The following SMYD3 variants were observed in gnomAD, a reference collection of about 807,000 sequenced individuals.
SMYD3 encodes SET and MYND domain containing 3, also known as histone-lysine N-methyltransferase SMYD3.
In SMYD3, 36 loss-of-function variants were observed where a neutral mutation model predicts 57.7. The ratio of observed to expected loss-of-function variants is 0.62; its 90% CI spans 0.48 to 0.82. The LOEUF (loss-of-function observed/expected upper bound fraction) is 0.82. SMYD3 is among the 40% of genes least tolerant of loss of function. The pLI is 0.00. For missense variants in SMYD3, 515 were observed against 538.8 expected, an observed-to-expected ratio of 0.96 and a Z score of 0.44; for synonymous variants, 211 against 195.0, an observed-to-expected ratio of 1.08 and a Z score of -0.68.
chr1:246,478,540 TGCACACCTGTCCTCTGTCCTGGAGCTG>T (rs2068058436), intron 1 of SMYD3, among the ~76,000 whole-genome samples: 1 of 108,166 alleles, frequency 9.2e-6, no homozygotes, highest in African/African-American at 3.7e-5. Context: ...TGCTCATATA[TGCACACCTGTCCTCTGTCCTGGAGCTG>T]GTACATAAGT....
At chr1:246,056,518 T>TG (rs985577058) in intron 5 of SMYD3, among the ~76,000 whole-genome samples, 41 of 152,006 alleles carry the variant, frequency 2.7e-4, no homozygotes, top group African/African-American at 8.9e-4. Flanking sequence ...AACCACCGTG[T>TG]TTCTAAGCCT....
chr1:246,127,427 T>C (rs2061525544), intron 5 of SMYD3, among the ~76,000 whole-genome samples: 1 of 152,224 alleles, frequency 6.6e-6, no homozygotes, highest in Admixed American at 6.5e-5. Context: ...TTGGATAAAG[T>C]AGACAAAAGA....
At chr1:246,310,661 CTTTTTTTTTTTT>C (rs386370347) in intron 5 of SMYD3, among the ~76,000 whole-genome samples, 4 of 72,206 alleles carry the variant, frequency 5.5e-5, no homozygotes, top group East Asian at 1.1e-3. Flanking sequence ...AAGAGTAAGG[CTTTTTTTTTTTT>C]TTTTTTTTTT....
At chr1:246,407,360 T>C (rs1474343509) in intron 1 of SMYD3, among the ~76,000 whole-genome samples, 1 of 152,218 alleles carries the variant, frequency 6.6e-6, no homozygotes, top group Non-Finnish European at 1.5e-5. Flanking sequence ...TCTGAGACTA[T>C]AAGGTCATGC....
intron 10 of SMYD3, among the ~76,000 whole-genome samples, chr1:245,845,985 G>A (rs1423557032): frequency 6.6e-6 from 1 of 152,194 alleles, no homozygotes; most frequent in Non-Finnish European, 1.5e-5. Flanking sequence ...GGTTGGGTGT[G>A]AGACCCACAA....
intron 1 of SMYD3, among the ~76,000 whole-genome samples, chr1:246,446,955 G>T (rs983834060): frequency 1.3e-5 from 2 of 151,670 alleles, no homozygotes; most frequent in Non-Finnish European, 2.9e-5. Context: ...CTTGAACCCG[G>T]GAGGCGAAGG....
chr1:245,842,470 C>T (rs1033063241), intron 10 of SMYD3, among the ~76,000 whole-genome samples: 3 of 152,074 alleles, frequency 2.0e-5, no homozygotes, highest in Non-Finnish European at 2.9e-5. Context: ...GAACAATTAT[C>T]CTGACAGAAC....
At chr1:245,912,626 A>G (rs1343939002) in intron 8 of SMYD3, among the ~76,000 whole-genome samples, 1 of 151,990 alleles carries the variant, frequency 6.6e-6, no homozygotes, top group African/African-American at 2.4e-5. Flanking sequence ...TTATACTAAC[A>G]AAAAAAACAT....
chr1:246,246,639 G>A (rs1347168891), intron 5 of SMYD3, among the ~76,000 whole-genome samples: 4 of 151,852 alleles, frequency 2.6e-5, no homozygotes, highest in Non-Finnish European at 4.4e-5. Flanking sequence ...CCACCTACTG[G>A]ACACTTTATA....
At chr1:246,007,813 A>G (rs890916114) in intron 5 of SMYD3, among the ~76,000 whole-genome samples, 2 of 142,062 alleles carry the variant, frequency 1.4e-5, no homozygotes, top group Admixed American at 7.2e-5. Flanking sequence ...CCAGACCCTG[A>G]CCAAAAAAAA....
chr1:246,285,186 C>A (rs982023303), intron 5 of SMYD3, among the ~76,000 whole-genome samples: 2 of 152,184 alleles, frequency 1.3e-5, no homozygotes, highest in African/African-American at 4.8e-5. Flanking sequence ...CATAGCTTAG[C>A]TCTCACTTAT....
At chr1:246,475,383 C>G (rs931852638) in intron 1 of SMYD3, among the ~76,000 whole-genome samples, 6 of 151,602 alleles carry the variant, frequency 4.0e-5, no homozygotes, top group Admixed American at 2.6e-4. Context: ...TGGCTCACAC[C>G]TGTAATCACA....
intron 5 of SMYD3, among the ~76,000 whole-genome samples, chr1:246,046,154 T>C (rs1199973219): frequency 1.3e-5 from 2 of 152,180 alleles, no homozygotes; most frequent in Non-Finnish European, 2.9e-5. Flanking sequence ...TAAATCATGC[T>C]GCTATAAAGA....
chr1:245,846,800 C>T (rs1558415729), intron 10 of SMYD3, among the ~76,000 whole-genome samples: 1 of 152,210 alleles, frequency 6.6e-6, no homozygotes, highest in Non-Finnish European at 1.5e-5. Flanking sequence ...CAATAGCTGG[C>T]AGATGCTTTT....
intron 5 of SMYD3, among the ~76,000 whole-genome samples, chr1:245,982,859 C>T (rs1416632656): frequency 6.6e-6 from 1 of 152,144 alleles, no homozygotes; most frequent in Non-Finnish European, 1.5e-5. Flanking sequence ...GGAGATGTGG[C>T]CAAGCATTCT....
chr1:246,018,900 A>T (rs1447530899), intron 5 of SMYD3, among the ~76,000 whole-genome samples: 1 of 152,080 alleles, frequency 6.6e-6, no homozygotes, highest in African/African-American at 2.4e-5. Flanking sequence ...CACCATGCCC[A>T]GCAGATTTCT....
In SMYD3 at chr1:245,863,659, G is replaced by A. The variant is rs542913745; in HGVS notation, c.901+140C>T. 383 of 699,268 alleles carry A rather than the reference G, an allele frequency of 5.5e-4. No homozygotes were observed. The Middle Eastern group carries it at 5.5e-3, about 10-fold the overall frequency. The allele number at this position is 699,268 out of a possible 1,614,324, so 43.3% of individuals were successfully genotyped here. On this transcript the variant is annotated intron_variant, in intron 9 of 11. Transcript: ENST00000490107. ...AACTGCTGGCCAGGGTCGGAGGTGC[G>A]GCCTGTGACCATGGAACAGAATGAA...
intron 11 of SMYD3, among the ~76,000 whole-genome samples, chr1:245,763,199 C>T (rs529300972): frequency 1.1e-4 from 17 of 152,332 alleles, no homozygotes; most frequent in Non-Finnish European, 2.2e-4. Context: ...CACTGACCTC[C>T]TTCGCTTCCT....
intron 5 of SMYD3, among the ~76,000 whole-genome samples, chr1:245,963,176 T>A (rs1170837802): frequency 6.6e-6 from 1 of 152,194 alleles, no homozygotes; most frequent in African/African-American, 2.4e-5. Context: ...TTTGAGATGC[T>A]AGATATATTA....
Sources: gnomAD v4.1 joint callset for allele counts (sites outside exome capture counted in the v4.1 genomes callset) on GRCh38, gnomAD v4.1.1 for gene constraint, MANE v1.5 for transcripts, NCBI Gene and HGNC (gene_info 2026-07-23, HGNC 2026-07-21) for gene names.